G2E3: variants seen among roughly 807,000 people sequenced by gnomAD.
The protein encoded by G2E3 is G2/M phase-specific E3 ubiquitin-protein ligase.
Under a neutral mutation model 92.8 loss-of-function variants are expected in G2E3, and 35 were observed. That is an observed-to-expected ratio of 0.38 (90% CI 0.29 to 0.50). G2E3 has a LOEUF of 0.50. G2E3 is among the 20% of genes least tolerant of loss of function. The pLI is 0.94. For missense variants in G2E3, 554 were observed against 823.8 expected (o/e 0.67, Z 4.01); for synonymous variants, 242 against 272.4 (o/e 0.89, Z 1.10).
rs533501415 is a variant in G2E3 at position 30,594,506 on chromosome 14, G to A, written c.528+867G>A. 2.9e-3 allele frequency among the ~76,000 whole-genome samples: 442 copies of A among 151,784 alleles called. 1 individual carries two copies. The highest frequency in any genetic ancestry group is 0.01 in the African/African-American group (423 of 41,410). Reference sequence around the variant, plus strand: ...AGATCAAGACCATCCTGGCTAACACGGTGAAACCCCGTCTCTACTAAAAAT... The same window carrying A: ...AGATCAAGACCATCCTGGCTAACACAGTGAAACCCCGTCTCTACTAAAAAT... On this transcript the variant is annotated intron_variant, in intron 6 of 14. Transcript: ENST00000206595.
At position 30,612,230 on chromosome 14, in the gene G2E3, T is replaced by C. The variant is rs748689535; in HGVS notation, c.1524T>C (p.Ala508=). ...IIRINTATTV[A]DLKSIINECY... is the part of the protein sequence containing the mutation. ...AGATAAATACTGCAACAACTGTAGC[T>C]GACTTAAAGTCAATAATAAATGAAT... Residue 508 remains alanine (A), a synonymous_variant, in exon 13 of 15, where the codon GCT becomes GCC. Coordinates refer to ENST00000206595, the MANE Select transcript of G2E3 (RefSeq NM_017769.5). 1.9e-6 allele frequency: 3 copies of C among 1,611,012 alleles called. No individual in the cohort carries two copies. The highest frequency in any genetic ancestry group is 2.5e-6 in the Non-Finnish European group (3 of 1,177,902).
chr14:30,584,699 A>G (rs896470237), intron 2 of G2E3, among the ~76,000 whole-genome samples: 3 of 151,394 alleles, frequency 2.0e-5, no homozygotes, highest in South Asian at 2.1e-4. Flanking sequence ...AGAAATGTCT[A>G]TTCAAATCTA....
intron 1 of G2E3, among the ~76,000 whole-genome samples, chr14:30,576,429 C>T (rs182119066): frequency 6.6e-6 from 1 of 152,310 alleles, no homozygotes; most frequent in Non-Finnish European, 1.5e-5. Context: ...GGAAGACAAC[C>T]TAGGCATTAT....
rs374380257 is a variant in G2E3 at position 30,612,252 on chromosome 14, G to C, written c.1546G>C (p.Glu516Gln). 5.2e-5 allele frequency: 84 copies of C among 1,609,538 alleles called. No individual in the cohort carries two copies. The highest frequency in any genetic ancestry group is 6.7e-5 in the Non-Finnish European group (79 of 1,176,528). The change falls in exon 13 of 15, where the codon GAA (glutamate) becomes CAA (glutamine). Residue 516 changes from glutamate to glutamine, a missense_variant. Transcript: ENST00000206595. ...TVADLKSIIN[E>Q]CYNYLELIGC... ...AGCTGACTTAAAGTCAATAATAAAT[G>C]AATGCTATAACTACCTTGAGTTAAT...
At chr14:30,597,215 A>C (rs952104858) in intron 6 of G2E3, among the ~76,000 whole-genome samples, 3 of 152,190 alleles carry the variant, frequency 2.0e-5, no homozygotes, top group African/African-American at 7.2e-5. Flanking sequence ...AGTATTAATT[A>C]GCTTTTTTTT....
At chr14:30,590,419 A>T in intron 4 of G2E3, 1 of 249,906 alleles carries the variant, frequency 4.0e-6, no homozygotes, top group South Asian at 4.6e-5. Flanking sequence ...CAAAGGTCCA[A>T]ATTTTTCAAA....
chr14:30,567,538 C>CT (rs1473066589), intron 1 of G2E3, among the ~76,000 whole-genome samples: 1 of 151,636 alleles, frequency 6.6e-6, no homozygotes, highest in East Asian at 1.9e-4. Context: ...TGAGTCTTCT[C>CT]TTTTTTTTCT....
At chr14:30,612,486 G>T in intron 13 of G2E3, 107 bp downstream of exon 13, 1 of 722,322 alleles carries the variant, frequency 1.4e-6, no homozygotes, top group South Asian at 2.3e-5. Context: ...GTTTTTCTCA[G>T]AAAAAAATTT....
At chr14:30,592,207 G>T (rs902744624) in intron 4 of G2E3, 116 bp from the exon 5 acceptor site, 1 of 893,308 alleles carries the variant, frequency 1.1e-6, no homozygotes. Flanking sequence ...TACCACAGCT[G>T]TTACATGATG....
At chr14:30,560,714 A>C (rs990759397) in intron 1 of G2E3, 1 of 657,646 alleles carries the variant, frequency 1.5e-6, no homozygotes, top group African/African-American at 1.8e-5. Flanking sequence ...AGTGAGTTTC[A>C]GAATTTATTG....
Position 30,589,733 on chromosome 14 carries a change from A to G in G2E3, c.237+249A>G, listed in dbSNP as rs188902980. ...TTCCTTATCTTATTCCAACATGTCC[A>G]TCAGAATTGACCATCAGAATTATGA... is the stretch of plus-strand genomic sequence containing the variant. On this transcript the variant is annotated intron_variant, in intron 4 of 14. Coordinates refer to ENST00000206595, the MANE Select transcript of G2E3 (RefSeq NM_017769.5). Among the ~76,000 whole-genome samples the G allele has an allele frequency of 2.8e-3, 431 of 152,182 alleles. 6 individuals are homozygous for G. In the Middle Eastern group the frequency reaches 0.037, roughly 13 times the overall value.
chr14:30,612,171 A>G (rs983085098), intron 12 of G2E3, 36 bp from the exon 13 acceptor site: 1 of 1,475,948 alleles, frequency 6.8e-7, no homozygotes, highest in Non-Finnish European at 9.4e-7. Flanking sequence ...TCAAAAGTAA[A>G]TGAGTAAAGT....
At chr14:30,578,054 C>T (rs1407528230) in intron 1 of G2E3, among the ~76,000 whole-genome samples, 2 of 151,886 alleles carry the variant, frequency 1.3e-5, no homozygotes, top group Non-Finnish European at 2.9e-5. Context: ...AGGAAAACAT[C>T]TAAAAGAAAT....
At chr14:30,590,485 T>G (rs1880944058) in intron 4 of G2E3, 1 of 340,910 alleles carries the variant, frequency 2.9e-6, no homozygotes, top group Non-Finnish European at 5.8e-6. Flanking sequence ...AATAATGTTC[T>G]CTTTGTCCCC....
At chr14:30,590,548 G>C (rs1049094516) in intron 4 of G2E3, 15 of 393,620 alleles carry the variant, frequency 3.8e-5, no homozygotes, top group South Asian at 2.7e-4. Context: ...AATTAAGGAG[G>C]ATGGAAAAAT....
intron 13 of G2E3, among the ~76,000 whole-genome samples, chr14:30,613,679 A>G (rs569574625): frequency 2.0e-5 from 3 of 151,558 alleles, no homozygotes; most frequent in South Asian, 4.2e-4. Context: ...GGGTTTTTAA[A>G]TCTATTTTAA....
At chr14:30,597,581 A>G in intron 7 of G2E3, 55 bp downstream of exon 7, 1 of 927,450 alleles carries the variant, frequency 1.1e-6, no homozygotes, top group South Asian at 1.3e-5. Flanking sequence ...GTAGGATTTA[A>G]TAGCAATGGA....
chr14:30,592,507 A>G, intron 5 of G2E3, 60 bp downstream of exon 5: 1 of 1,238,320 alleles, frequency 8.1e-7, no homozygotes, highest in East Asian at 2.4e-5. Context: ...GAAAATACAT[A>G]TCCCAATGAT....
chr14:30,601,958 C>G (rs1373745326), intron 9 of G2E3, 41 bp from the exon 10 acceptor site: 2 of 1,604,212 alleles, frequency 1.2e-6, no homozygotes, highest in Admixed American at 1.7e-5. Context: ...AAGTTTTTAC[C>G]TATATCTCTA....
Sources: gnomAD v4.1 joint callset for allele counts (sites outside exome capture counted in the v4.1 genomes callset) on GRCh38, gnomAD v4.1.1 for gene constraint, MANE v1.5 for transcripts, NCBI Gene and HGNC (gene_info 2026-07-23, HGNC 2026-07-21) for gene names.